The following PRELID2 variants were observed in gnomAD, a reference collection of about 807,000 sequenced individuals.
The protein encoded by PRELID2 is PRELI domain-containing protein 2.
In PRELID2, 25 loss-of-function variants were observed where a neutral mutation model predicts 28.4. The observed-to-expected ratio is 0.88, with a 90% CI of 0.64 to 1.23. PRELID2 has a LOEUF of 1.23. PRELID2 is among the 50% of genes most tolerant of loss of function. The pLI, the probability that PRELID2 is intolerant of heterozygous loss-of-function variation, is 0.00. For synonymous variants in PRELID2, 76 were observed against 71.6 expected (o/e 1.06, Z -0.31); for missense variants, 201 against 214.4 (o/e 0.94, Z 0.39).
chr5:145,338,133 T>A, the PRELID2 span: 1 of 152,258 alleles, frequency 6.6e-6, no homozygotes, highest in South Asian at 2.1e-4. Context: ...GTGACAAAAA[T>A]GAAGAACATG....
chr5:145,691,471 C>G (rs111404289), intron 1 of PRELID2, among the ~76,000 whole-genome samples: 1 of 151,924 alleles, frequency 6.6e-6, no homozygotes. Context: ...GTTGGGAGGC[C>G]GAGGCAGGGG....
chr5:145,422,153 C>G, the PRELID2 span, among the ~76,000 whole-genome samples: 2,137 of 143,298 alleles, frequency 0.015, 34 homozygotes, highest in African/African-American at 0.05. Context: ...TTACTTCCAA[C>G]TATGTGGTCA....
At chr5:145,366,909 T>C in the PRELID2 span, among the ~76,000 whole-genome samples, 36 of 152,028 alleles carry the variant, frequency 2.4e-4, no homozygotes, top group African/African-American at 8.2e-4. Flanking sequence ...TGATTTATCA[T>C]ATTGGAGTAG....
intron 1 of PRELID2, among the ~76,000 whole-genome samples, chr5:145,639,654 G>A (rs552224338): frequency 2.0e-5 from 3 of 152,146 alleles, no homozygotes; most frequent in Non-Finnish European, 4.4e-5. Context: ...TATTCAATGC[G>A]ATCTGGAAAC....
the PRELID2 span, among the ~76,000 whole-genome samples, chr5:145,345,079 CAAATTTAAACA>C: frequency 6.6e-6 from 1 of 152,002 alleles, no homozygotes; most frequent in South Asian, 2.1e-4. Context: ...GATGTTACTC[CAAATTTAAACA>C]AATACTCACC....
chr5:145,277,248 G>A, the PRELID2 span, among the ~76,000 whole-genome samples: 3 of 152,060 alleles, frequency 2.0e-5, no homozygotes, highest in Non-Finnish European at 2.9e-5. Flanking sequence ...AAATAAGATC[G>A]CAAATACAAT....
intron 1 of PRELID2, among the ~76,000 whole-genome samples, chr5:145,621,639 A>C (rs188018555): frequency 1.5e-4 from 23 of 152,338 alleles, no homozygotes; most frequent in Admixed American, 1.3e-3. Context: ...AAATTAATTA[A>C]ATGAGATCCT....
chr5:145,489,909 CA>C (rs1362402985), intron 1 of PRELID2, among the ~76,000 whole-genome samples: 1 of 151,924 alleles, frequency 6.6e-6, no homozygotes, highest in Non-Finnish European at 1.5e-5. Flanking sequence ...ATATTTCCAC[CA>C]AAAAAATTAT....
intron 1 of PRELID2, among the ~76,000 whole-genome samples, chr5:145,613,989 T>G (rs564591061): frequency 6.5e-4 from 99 of 152,344 alleles, no homozygotes; most frequent in African/African-American, 2.2e-3. Context: ...TTGAGTTGAT[T>G]TTTGTGTAAG....
intron 1 of PRELID2, among the ~76,000 whole-genome samples, chr5:145,834,137 G>A: frequency 6.6e-6 from 1 of 152,180 alleles, no homozygotes; most frequent in Admixed American, 6.5e-5. Flanking sequence ...ATCGGTTGTA[G>A]TAATACAAAC....
intron 1 of PRELID2, among the ~76,000 whole-genome samples, chr5:145,727,605 T>C (rs1280322817): frequency 1.3e-5 from 2 of 152,154 alleles, no homozygotes; most frequent in African/African-American, 4.8e-5. Context: ...TCTGCATCTG[T>C]AAACTAAAAG....
chr5:145,753,605 TC>T (rs1466313998), downstream of PRELID2, among the ~76,000 whole-genome samples: 2 of 152,110 alleles, frequency 1.3e-5, no homozygotes, highest in Admixed American at 1.3e-4. Context: ...TAAGAGAACA[TC>T]ATGACTTCTG....
chr5:145,400,843 C>A, the PRELID2 span, among the ~76,000 whole-genome samples: 1 of 152,108 alleles, frequency 6.6e-6, no homozygotes, highest in Non-Finnish European at 1.5e-5. Flanking sequence ...CAAAGCATTC[C>A]TTCCTGGGAT....
intron 1 of PRELID2, among the ~76,000 whole-genome samples, chr5:145,704,479 G>A (rs1219191651): frequency 8.5e-5 from 13 of 152,198 alleles, no homozygotes; most frequent in Admixed American, 3.9e-4. Flanking sequence ...GAAATCTGGA[G>A]TCTGCATACT....
chr5:145,607,755 G>A (rs1753525468), intron 1 of PRELID2, among the ~76,000 whole-genome samples: 1 of 152,032 alleles, frequency 6.6e-6, no homozygotes. Flanking sequence ...ATGTCTGTTA[G>A]GCCTATTTGG....
chr5:145,798,251 T>C (rs1730512729), intron 4 of PRELID2, among the ~76,000 whole-genome samples: 1 of 152,038 alleles, frequency 6.6e-6, no homozygotes, highest in Non-Finnish European at 1.5e-5. Flanking sequence ...ATCAAACAGA[T>C]CATTATCCAC....
At chr5:145,561,852 C>T (rs1244935357) in intron 1 of PRELID2, among the ~76,000 whole-genome samples, 1 of 151,666 alleles carries the variant, frequency 6.6e-6, no homozygotes, top group African/African-American at 2.4e-5. Flanking sequence ...AGGTATAAGT[C>T]AAAAAAAAGT....
At chr5:145,804,934 G>C (rs1753395955) in intron 4 of PRELID2, among the ~76,000 whole-genome samples, 2 of 152,188 alleles carry the variant, frequency 1.3e-5, no homozygotes, top group African/African-American at 4.8e-5. Flanking sequence ...AGCTGGTGTT[G>C]ATTGTCTGCC....
At chr5:145,255,919 A>G in the PRELID2 span, among the ~76,000 whole-genome samples, 6 of 152,032 alleles carry the variant, frequency 3.9e-5, no homozygotes, top group Admixed American at 3.9e-4. Flanking sequence ...AAAGAGAGAG[A>G]GAGAATGGGG....
Sources: allele counts gnomAD v4.1 joint callset (sites outside exome capture counted in the v4.1 genomes callset), GRCh38; gene constraint gnomAD v4.1.1; transcripts MANE v1.5; gene names NCBI Gene and HGNC (gene_info 2026-07-23, HGNC 2026-07-21).